Variants in SMIM40 observed in about 807,000 individuals in gnomAD.
SMIM40 encodes small integral membrane protein 40.
chr6:33,328,886 CAAAAAAAAAAAA>C (rs9280408), intron 1 of SMIM40, 89 bp downstream of exon 1: 507 of 273,316 alleles, frequency 1.9e-3, no homozygotes, highest in Non-Finnish European at 2.2e-3. Context: ...AACTCCATCT[CAAAAAAAAAAAA>C]AAAAAAAAAA....
At chr6:33,325,087 C>A (rs1771082105) in intron 1 of SMIM40, among the ~76,000 whole-genome samples, 2 of 151,496 alleles carry the variant, frequency 1.3e-5, no homozygotes. Context: ...TTTGTGGAGG[C>A]TGGGCGCGGT....
intron 1 of SMIM40, among the ~76,000 whole-genome samples, chr6:33,328,198 A>G (rs901407509): frequency 4.6e-5 from 7 of 151,234 alleles, no homozygotes; most frequent in Non-Finnish European, 1.0e-4. Context: ...TTATTTATTT[A>G]TTTATTTTTG....
At chr6:33,327,446 T>G (rs1344572215) in intron 1 of SMIM40, among the ~76,000 whole-genome samples, 1 of 149,156 alleles carries the variant, frequency 6.7e-6, no homozygotes, top group East Asian at 1.9e-4. Context: ...TAAAATAAAA[T>G]GTGGCCAGCT....
At chr6:33,327,827 T>A (rs1324075620) in intron 1 of SMIM40, among the ~76,000 whole-genome samples, 1 of 133,530 alleles carries the variant, frequency 7.5e-6, no homozygotes, top group Non-Finnish European at 1.5e-5. Flanking sequence ...TCACTGCCAC[T>A]GCACTCCAGC....
At chr6:33,326,607 T>C (rs1208380611) in intron 1 of SMIM40, among the ~76,000 whole-genome samples, 824 of 125,758 alleles carry the variant, frequency 6.6e-3, no homozygotes, top group Middle Eastern at 0.065. Flanking sequence ...GGCAGATCAC[T>C]TGAGGTCAGG....
chr6:33,324,601 T>C (rs1417362657), intron 1 of SMIM40, among the ~76,000 whole-genome samples: 1 of 132,758 alleles, frequency 7.5e-6, no homozygotes, highest in Non-Finnish European at 1.6e-5. Context: ...AAATGCAGGG[T>C]CGGCCGGGCG....
chr6:33,323,934 A>G (rs923730349), intron 2 of SMIM40, 37 bp downstream of exon 2: 1 of 152,280 alleles, frequency 6.6e-6, no homozygotes, highest in Non-Finnish European at 1.5e-5. Context: ...AGAGGGGAAA[A>G]AAGAATGAAG....
Position 33,329,183 on chromosome 6 carries a change from C to T in SMIM40, c.83G>A (p.Arg28Gln), listed in dbSNP as rs549631653. The T allele has an allele frequency of 1.5e-5, 6 of 398,788 alleles. No homozygotes were observed. The South Asian group carries it at 5.1e-4, about 34-fold the overall frequency. The allele number at this position is 398,788 out of a possible 1,614,324, so 24.7% of individuals were successfully genotyped here. Residue 28 changes from arginine to glutamine, a missense_variant, in exon 1 of 3, where the codon CGA becomes CAA. Coordinates refer to ENST00000494082, the MANE Select transcript of SMIM40 (RefSeq NM_001369203.1). ...QGPSPPRGPV[R>Q]RALDKAFFIF... ...AAAGAAAGCCTTGTCCAAGGCACGTCGCACGGGACCCCTGGGAGGGGAGGG... is the reference window on the plus strand; with the variant it reads ...AAAGAAAGCCTTGTCCAAGGCACGTTGCACGGGACCCCTGGGAGGGGAGGG...
rs9280406 is a variant in SMIM40 at position 33,324,545 on chromosome 6, CTTT to C, written c.*40-518_*40-516del. On this transcript the variant is annotated intron_variant, in intron 1 of 2. Transcript: ENST00000494082. ...CAAGGCACCATGAATACCACCTTTT[CTTT>C]TTTTTTTTTTTTTTTTTCCTTTCTT... Among the ~76,000 whole-genome samples the C allele has an allele frequency of 4.8e-3, 493 of 103,212 alleles. 2 individuals are homozygous for C. Among genetic ancestry groups the C allele is most frequent in the African/African-American group, 0.016 (432 of 27,866 alleles). The allele number at this position is 103,212 out of a possible 152,430, so 67.7% of individuals were successfully genotyped here.
intron 1 of SMIM40, among the ~76,000 whole-genome samples, chr6:33,326,356 T>TC (rs1394529959): frequency 6.8e-6 from 1 of 146,970 alleles, no homozygotes; most frequent in Non-Finnish European, 1.5e-5. Flanking sequence ...TTTTTTTTTT[T>TC]TAGTGGATAT....
In SMIM40 at chr6:33,329,248, A is replaced by G; in HGVS notation, c.18T>C (p.Asp6=). The change falls in exon 1 of 3, where the codon GAT becomes GAC. Residue 6 remains aspartate, a synonymous_variant. Coordinates refer to ENST00000494082, the MANE Select transcript of SMIM40 (RefSeq NM_001369203.1). Reference sequence around the variant, plus strand: ...CCAGGAACACATCCGCCTCGTCCACATCACCTTCCTCTGCCATCCTGACTC... The same window carrying G: ...CCAGGAACACATCCGCCTCGTCCACGTCACCTTCCTCTGCCATCCTGACTC... MAEEG[D]VDEADVFLAF... is the part of the protein sequence containing the mutation. The G allele has an allele frequency of 2.5e-6, 1 of 398,718 alleles. No homozygotes were observed. The highest frequency in any genetic ancestry group is 4.4e-6 in the Non-Finnish European group (1 of 226,158). 24.7% of individuals were successfully genotyped at this position (398,718 alleles called of 1,614,324 possible). A position where few individuals can be genotyped will look rare whatever the true frequency, so the allele number is the denominator to read the frequency against.
intron 1 of SMIM40, among the ~76,000 whole-genome samples, chr6:33,328,446 T>A (rs1192207963): frequency 2.6e-5 from 4 of 151,156 alleles, no homozygotes; most frequent in Non-Finnish European, 4.4e-5. Flanking sequence ...TGCCTTGGCC[T>A]CCCAAATTTC....
chr6:33,324,571 CTTTT>C (rs1682122696), intron 1 of SMIM40, among the ~76,000 whole-genome samples: 2 of 69,588 alleles, frequency 2.9e-5, no homozygotes, highest in Non-Finnish European at 5.9e-5. Flanking sequence ...TTTTTCCTTT[CTTTT>C]GTCTTTTTTT....
chr6:33,325,019 G>A (rs995158734), intron 1 of SMIM40, among the ~76,000 whole-genome samples: 1 of 149,858 alleles, frequency 6.7e-6, no homozygotes, highest in African/African-American at 2.5e-5. Context: ...CCCACCTCAA[G>A]TAGCTAGGAC....
At chr6:33,325,686 CAAAAAAA>C (rs9280407) in intron 1 of SMIM40, among the ~76,000 whole-genome samples, 4 of 98,684 alleles carry the variant, frequency 4.1e-5, no homozygotes, top group South Asian at 3.1e-4. Flanking sequence ...CTAAAAATAC[CAAAAAAA>C]AAAAAAAAAA....
intron 1 of SMIM40, 49 bp downstream of exon 1, chr6:33,328,938 T>A: frequency 9.2e-6 from 3 of 327,610 alleles, no homozygotes; most frequent in Non-Finnish European, 1.6e-5. Flanking sequence ...TCCAAGCATC[T>A]CCTCCATAGC....
rs562491510 is a variant in SMIM40 at position 33,328,279 on chromosome 6, G to A, written c.*39+708C>T. ...TCTCGGCTCACTGCAACTGCCTCCC[G>A]GGTTCAAGCAATTCTCCTGCCTCAG... On this transcript the variant is annotated intron_variant, in intron 1 of 2. Transcript: ENST00000494082. Among the ~76,000 whole-genome samples the A allele has an allele frequency of 3.3e-5, 5 of 150,768 alleles. No homozygotes were observed. The East Asian group carries it at 6.2e-4, about 19-fold the overall frequency.
At chr6:33,325,991 T>C (rs548395780) in intron 1 of SMIM40, among the ~76,000 whole-genome samples, 1 of 149,808 alleles carries the variant, frequency 6.7e-6, no homozygotes, top group African/African-American at 2.5e-5. Context: ...ATTTTTCATC[T>C]CAATTAATAT....
chr6:33,325,083 G>C (rs923880394), intron 1 of SMIM40, among the ~76,000 whole-genome samples: 26 of 151,212 alleles, frequency 1.7e-4, no homozygotes, highest in African/African-American at 6.1e-4. Flanking sequence ...GTTTTTTGTG[G>C]AGGCTGGGCG....
Sources: gnomAD v4.1 joint callset for allele counts (sites outside exome capture counted in the v4.1 genomes callset) on GRCh38, gnomAD v4.1.1 for gene constraint, MANE v1.5 for transcripts, NCBI Gene and HGNC (gene_info 2026-07-23, HGNC 2026-07-21) for gene names.